SCFD2: variants seen among roughly 807,000 people sequenced by gnomAD.
SCFD2 encodes sec1 family domain containing 2, also known as sec1 family domain-containing protein 2.
SCFD2 carries 54 observed loss-of-function variants against 58.9 expected under a neutral mutation model. That is an observed-to-expected ratio of 0.92 (90% CI 0.74 to 1.15). The LOEUF is 1.15. SCFD2 is among the 50% of genes most tolerant of loss of function. The pLI is 0.00. For synonymous variants in SCFD2, 321 were observed against 335.9 expected, an observed-to-expected ratio of 0.96 and a Z score of 0.49; for missense variants, 805 against 836.6, an observed-to-expected ratio of 0.96 and a Z score of 0.47.
At chr4:53,106,725 C>G (rs1433204199) in intron 5 of SCFD2, among the ~76,000 whole-genome samples, 1 of 152,074 alleles carries the variant, frequency 6.6e-6, no homozygotes, top group African/African-American at 2.4e-5. Flanking sequence ...TGTGAAAAGA[C>G]CAAACCTACA....
At chr4:53,033,264 A>C (rs1472074070) in intron 5 of SCFD2, among the ~76,000 whole-genome samples, 1 of 152,210 alleles carries the variant, frequency 6.6e-6, no homozygotes, top group East Asian at 1.9e-4. Flanking sequence ...TGTTCTTTGA[A>C]ACCACTGAGA....
At chr4:52,992,254 C>T (rs1721629048) in intron 5 of SCFD2, among the ~76,000 whole-genome samples, 1 of 152,202 alleles carries the variant, frequency 6.6e-6, no homozygotes, top group African/African-American at 2.4e-5. Flanking sequence ...GTCTCCAGCT[C>T]CTAACCGCGA....
intron 2 of SCFD2, among the ~76,000 whole-genome samples, chr4:53,350,917 C>T (rs953410566): frequency 1.3e-5 from 2 of 152,160 alleles, no homozygotes; most frequent in Non-Finnish European, 2.9e-5. Flanking sequence ...ACCACGTTGG[C>T]CATGTTGGTC....
At chr4:52,995,255 C>T (rs28408969) in intron 5 of SCFD2, among the ~76,000 whole-genome samples, 28,999 of 152,064 alleles carry the variant, frequency 0.19, 3,054 homozygotes, top group Admixed American at 0.3. Context: ...TCACAAGGAG[C>T]GCGGAACCTA....
rs150215341 is a variant in SCFD2, at chr4:53,120,347, C to T, written c.1561+24986G>A. On this transcript the variant is annotated intron_variant, in intron 5 of 8. Transcript: ENST00000401642. ...TGTTTAAGGCGTTGTTCTAACTATGCTATGATCTTACTACTGGGATACTCA... is the reference window on the plus strand; with the variant it reads ...TGTTTAAGGCGTTGTTCTAACTATGTTATGATCTTACTACTGGGATACTCA... Among the ~76,000 whole-genome samples, 532 of 152,240 alleles carry T rather than the reference C, an allele frequency of 3.5e-3. 4 individuals carry two copies. The highest frequency in any genetic ancestry group is 0.02 in the Middle Eastern group (6 of 294).
At chr4:52,881,614 A>T (rs768593822) in intron 8 of SCFD2, among the ~76,000 whole-genome samples, 2 of 152,234 alleles carry the variant, frequency 1.3e-5, no homozygotes, top group Non-Finnish European at 2.9e-5. Context: ...CTTAATAGGA[A>T]TGATTGCAAG....
intron 7 of SCFD2, among the ~76,000 whole-genome samples, chr4:52,895,321 C>T (rs1718979242): frequency 6.6e-6 from 1 of 152,140 alleles, no homozygotes; most frequent in Non-Finnish European, 1.5e-5. Context: ...TCCCTCTCCC[C>T]TACCCCTACC....
chr4:52,900,581 G>A (rs553724407), intron 7 of SCFD2, among the ~76,000 whole-genome samples: 2 of 152,280 alleles, frequency 1.3e-5, no homozygotes, highest in East Asian at 1.9e-4. Context: ...TAGGCTACTC[G>A]GGGGTCAGGG....
intron 1 of SCFD2, among the ~76,000 whole-genome samples, chr4:53,358,485 G>T (rs1279073809): frequency 6.6e-6 from 1 of 151,494 alleles, no homozygotes; most frequent in African/African-American, 2.4e-5. Context: ...CCTGGAAGGT[G>T]AAGGTTGCAG....
intron 5 of SCFD2, among the ~76,000 whole-genome samples, chr4:53,035,245 T>C (rs898539236): frequency 2.6e-5 from 4 of 152,140 alleles, no homozygotes; most frequent in African/African-American, 9.7e-5. Context: ...ATTTAATAAA[T>C]GGTGTTGGGA....
intron 5 of SCFD2, among the ~76,000 whole-genome samples, chr4:53,016,590 C>A (rs1418953484): frequency 3.9e-5 from 6 of 152,212 alleles, no homozygotes; most frequent in African/African-American, 1.2e-4. Flanking sequence ...GCTCTTTAGT[C>A]ATGAGTATTC....
intron 5 of SCFD2, among the ~76,000 whole-genome samples, chr4:53,117,396 T>G (rs1164687934): frequency 6.6e-6 from 1 of 152,200 alleles, no homozygotes; most frequent in African/African-American, 2.4e-5. Context: ...ATCCTAACTC[T>G]GCTACCTCTC....
intron 4 of SCFD2, among the ~76,000 whole-genome samples, chr4:53,266,047 A>C (rs1322360602): frequency 6.6e-6 from 1 of 152,092 alleles, no homozygotes; most frequent in Non-Finnish European, 1.5e-5. Flanking sequence ...TTTAATGGGG[A>C]AAAAAAGCTT....
intron 3 of SCFD2, among the ~76,000 whole-genome samples, chr4:53,304,533 CTTT>C (rs1732451599): frequency 6.6e-6 from 1 of 151,878 alleles, no homozygotes; most frequent in Admixed American, 6.6e-5. Flanking sequence ...TTTTCATTCT[CTTT>C]TCTCTAATCT....
chr4:53,360,849 C>G (rs1478287555), intron 1 of SCFD2, among the ~76,000 whole-genome samples: 1 of 152,152 alleles, frequency 6.6e-6, no homozygotes, highest in African/African-American at 2.4e-5. Flanking sequence ...TGTTAGAATG[C>G]CCATAGCATC....
At chr4:53,217,758 C>T (rs1024646232) in intron 4 of SCFD2, among the ~76,000 whole-genome samples, 1 of 152,158 alleles carries the variant, frequency 6.6e-6, no homozygotes, top group Non-Finnish European at 1.5e-5. Flanking sequence ...TACAATTTGG[C>T]ATGTTTTTGT....
chr4:53,125,392 T>C (rs186248028), intron 5 of SCFD2, among the ~76,000 whole-genome samples: 10 of 152,256 alleles, frequency 6.6e-5, no homozygotes, highest in Admixed American at 5.9e-4. Flanking sequence ...ATTATAAGAG[T>C]AACATTTTAT....
intron 5 of SCFD2, among the ~76,000 whole-genome samples, chr4:53,015,103 G>A (rs780501644): frequency 6.6e-6 from 1 of 152,156 alleles, no homozygotes; most frequent in Admixed American, 6.5e-5. Flanking sequence ...GTGTTAAAAT[G>A]ACCAGCTGTA....
intron 4 of SCFD2, 113 bp from the exon 5 acceptor site, chr4:53,145,695 T>C: frequency 2.2e-6 from 2 of 921,480 alleles, no homozygotes; most frequent in South Asian, 3.5e-5. Context: ...ATTTACTGAC[T>C]GCATCACTTT....
Sources: gnomAD v4.1 joint callset for allele counts (sites outside exome capture counted in the v4.1 genomes callset) on GRCh38, gnomAD v4.1.1 for gene constraint, MANE v1.5 for transcripts, NCBI Gene and HGNC (gene_info 2026-07-23, HGNC 2026-07-21) for gene names.